ADAMTS18: variants seen among roughly 807,000 people sequenced by gnomAD.
ADAMTS18 encodes the protein ADAM metallopeptidase with thrombospondin type 1 motif 18.
ADAMTS18 carries 157 observed loss-of-function variants against 165.9 expected under a neutral mutation model. That is an observed-to-expected ratio of 0.95 (90% confidence interval 0.83 to 1.08). ADAMTS18 has a LOEUF of 1.08. ADAMTS18 is among the 50% of genes least tolerant of loss of function. ADAMTS18 has a pLI of 0.00. For missense variants in ADAMTS18, 2,040 were observed against 1,534.0 expected (o/e 1.33, Z -5.51); for synonymous variants, 782 against 578.2 (o/e 1.35, Z -5.06).
intron 3 of ADAMTS18, among the ~76,000 whole-genome samples, chr16:77,428,582 T>C (rs569813928): frequency 1.4e-4 from 21 of 152,210 alleles, no homozygotes; most frequent in African/African-American, 4.8e-4. Context: ...GATGAGAGTT[T>C]AAATTAGTAC....
rs775380561 is a variant in ADAMTS18, at chr16:77,321,163, A to C, written c.2203T>G (p.Ser735Ala). The change falls in exon 15 of 23, where the codon TCA becomes GCA. Residue 735 changes from serine to alanine, a missense_variant. Physicochemically the swap from Ser to Ala is moderately conservative, Grantham distance 99 (BLOSUM62 1). Coordinates refer to ENST00000282849, the MANE Select transcript of ADAMTS18 (RefSeq NM_199355.4). ...CCTTTGCAAACGCCACAAGCATCTGAAACTGCTTTAGAGCCTAGTTCATGA... is the reference window on the plus strand; with the variant it reads ...CCTTTGCAAACGCCACAAGCATCTGCAACTGCTTTAGAGCCTAGTTCATGA... ...CDHELGSKAV[S>A]DACGVCKGDN... 6.2e-7 allele frequency: 1 copy of C among 1,614,208 alleles called. No homozygotes were observed.
chr16:77,356,104 C>A (rs907730342), intron 8 of ADAMTS18, 27 bp from the exon 9 acceptor site: 2 of 1,613,820 alleles, frequency 1.2e-6, no homozygotes, highest in African/African-American at 2.7e-5. Flanking sequence ...AAAACAAAAT[C>A]CTGCTTTGTG....
intron 16 of ADAMTS18, among the ~76,000 whole-genome samples, chr16:77,314,529 T>C (rs1300039534): frequency 6.7e-6 from 1 of 150,220 alleles, no homozygotes; most frequent in Non-Finnish European, 1.5e-5. Context: ...GAAGAATCGC[T>C]TGGACCCAGT....
intron 3 of ADAMTS18, among the ~76,000 whole-genome samples, chr16:77,398,358 A>G (rs571568555): frequency 6.6e-6 from 1 of 150,546 alleles, no homozygotes; most frequent in South Asian, 2.1e-4. Flanking sequence ...AAAATAAATA[A>G]AGAGAGAAAG....
intron 16 of ADAMTS18, among the ~76,000 whole-genome samples, chr16:77,303,175 C>T (rs747452684): frequency 1.8e-4 from 27 of 152,204 alleles, no homozygotes; most frequent in Non-Finnish European, 3.1e-4. Flanking sequence ...CAGGATGTGA[C>T]CACCGTAGTT....
At chr16:77,366,546 G>A (rs560698694) in intron 4 of ADAMTS18, among the ~76,000 whole-genome samples, 51 of 152,252 alleles carry the variant, frequency 3.3e-4, no homozygotes, top group African/African-American at 9.9e-4. Context: ...GCGAAAGAGT[G>A]AAACTGTCTC....
intron 3 of ADAMTS18, among the ~76,000 whole-genome samples, chr16:77,401,623 A>G (rs2057332965): frequency 2.0e-5 from 3 of 152,184 alleles, no homozygotes; most frequent in Non-Finnish European, 4.4e-5. Context: ...TGACTGGGCT[A>G]AGGGATTCTC....
intron 14 of ADAMTS18, 53 bp from the exon 15 acceptor site, chr16:77,321,255 C>G: frequency 6.2e-7 from 1 of 1,610,354 alleles, no homozygotes; most frequent in Non-Finnish European, 8.5e-7. Flanking sequence ...AAGCCAGAGG[C>G]TGGGAATAAT....
At chr16:77,316,343 C>G (rs1272566621) in intron 16 of ADAMTS18, among the ~76,000 whole-genome samples, 1 of 151,880 alleles carries the variant, frequency 6.6e-6, no homozygotes, top group African/African-American at 2.4e-5. Context: ...CAACCTCTGC[C>G]TCCTGGGTTC....
At chr16:77,328,659 C>T (rs898383090) in intron 12 of ADAMTS18, among the ~76,000 whole-genome samples, 10 of 152,158 alleles carry the variant, frequency 6.6e-5, no homozygotes, top group African/African-American at 2.2e-4. Context: ...ATCATAGCCT[C>T]AATATTCCGG....
chr16:77,371,781 C>T (rs1173119703), intron 3 of ADAMTS18, among the ~76,000 whole-genome samples: 1 of 152,042 alleles, frequency 6.6e-6, no homozygotes, highest in Admixed American at 6.5e-5. Context: ...GGAAGTGTAT[C>T]AATCTAAAAA....
intron 3 of ADAMTS18, among the ~76,000 whole-genome samples, chr16:77,400,636 C>G (rs545725413): frequency 6.6e-6 from 1 of 151,842 alleles, no homozygotes; most frequent in Non-Finnish European, 1.5e-5. Context: ...CGCCCGTCAC[C>G]GCACCCGGCT....
At position 77,322,431 on chromosome 16, in the gene ADAMTS18, T is replaced by C. The variant is rs534931874; in HGVS notation, c.2068A>G (p.Asn690Asp). 3 of 1,614,016 alleles carry C rather than the reference T, an allele frequency of 1.9e-6. No homozygotes were observed. The South Asian group carries it at 3.3e-5, about 18-fold the overall frequency. ...DRCKLYCKAE[N>D]FEFFFAMSGK... ...GACATTGCAAAAAAAAATTCAAAGT[T>C]CTCAGCCTTGCAGTACAGTTTGCAT... The change falls in exon 14 of 23, where the codon AAC becomes GAC. Residue 690 changes from asparagine (N) to aspartate (D), a missense_variant. Transcript: ENST00000282849.
intron 12 of ADAMTS18, among the ~76,000 whole-genome samples, chr16:77,330,282 C>T (rs983631616): frequency 1.3e-5 from 2 of 152,140 alleles, no homozygotes; most frequent in African/African-American, 2.4e-5. Flanking sequence ...AGTTCTAGAA[C>T]ACCTTAGCAT....
At chr16:77,285,721 A>T (rs1198068755) in intron 22 of ADAMTS18, among the ~76,000 whole-genome samples, 1 of 152,180 alleles carries the variant, frequency 6.6e-6, no homozygotes, top group South Asian at 2.1e-4. Flanking sequence ...ACTGTGAGTC[A>T]GGTATTTCAT....
chr16:77,349,110 G>C (rs999700440), intron 10 of ADAMTS18, among the ~76,000 whole-genome samples: 16 of 152,128 alleles, frequency 1.1e-4, no homozygotes, highest in Non-Finnish European at 1.5e-5. Context: ...TTCCATGCTA[G>C]GAAGTTTCTA....
rs200039304 is a variant in ADAMTS18 at position 77,384,825 on chromosome 16, A to AT, written c.496-17103dup. ...TCTTCTGATACCATTTTTGCTTCAG[A>AT]TTTTTTTAAAAAATCTCAACATTTC... On this transcript the variant is annotated intron_variant, in intron 3 of 22. Transcript: ENST00000282849. Among the ~76,000 whole-genome samples the AT allele has an allele frequency of 2.9e-3, 305 of 104,796 alleles. 1 individual carries two copies. Among genetic ancestry groups the AT allele is most frequent in the African/African-American group, 0.011 (282 of 26,786 alleles). 68.8% of individuals were successfully genotyped at this position (104,796 alleles called of 152,430 possible). A position where few individuals can be genotyped will look rare whatever the true frequency, so the allele number is the denominator to read the frequency against.
At chr16:77,393,762 C>G (rs537326299) in intron 3 of ADAMTS18, among the ~76,000 whole-genome samples, 10 of 152,260 alleles carry the variant, frequency 6.6e-5, no homozygotes, top group Admixed American at 5.2e-4. Flanking sequence ...TTATGGCAGC[C>G]CAAGTGGACT....
At chr16:77,334,345 T>TTG (rs2056250952) in intron 12 of ADAMTS18, among the ~76,000 whole-genome samples, 2 of 22,586 alleles carry the variant, frequency 8.9e-5, no homozygotes, top group African/African-American at 8.5e-4. Context: ...TATTATACTA[T>TTG]TATATATACT....
Sources: gnomAD v4.1 joint callset for allele counts (sites outside exome capture counted in the v4.1 genomes callset) on GRCh38, gnomAD v4.1.1 for gene constraint, MANE v1.5 for transcripts, NCBI Gene and HGNC (gene_info 2026-07-23, HGNC 2026-07-21) for gene names.